Variants in TMTC1 observed in about 807,000 individuals in gnomAD.
TMTC1 encodes the protein protein O-mannosyl-transferase TMTC1.
Under a neutral mutation model 104.8 loss-of-function variants are expected in TMTC1, and 73 were observed. That is an observed-to-expected ratio of 0.70 (90% CI 0.58 to 0.85). TMTC1 has a LOEUF of 0.85. Ranked by LOEUF, TMTC1 falls within the 40% of genes least tolerant of loss-of-function variation. The pLI is 0.00. For synonymous variants in TMTC1, 434 were observed against 428.7 expected, an observed-to-expected ratio of 1.01 and a Z score of -0.15; for missense variants, 1,035 against 1,096.1, an observed-to-expected ratio of 0.94 and a Z score of 0.79.
chr12:29,703,329 A>C (rs1363783419), intron 5 of TMTC1, among the ~76,000 whole-genome samples: 1 of 152,184 alleles, frequency 6.6e-6, no homozygotes, highest in Non-Finnish European at 1.5e-5. Flanking sequence ...CTTCAAAAGG[A>C]AATAACTTTC....
chr12:29,636,837 G>A (rs550839272), intron 5 of TMTC1, among the ~76,000 whole-genome samples: 1 of 150,452 alleles, frequency 6.6e-6, no homozygotes, highest in East Asian at 2.0e-4. Context: ...TTGAGCCCCA[G>A]AGTTTGAGAT....
intron 5 of TMTC1, among the ~76,000 whole-genome samples, chr12:29,722,637 AGGCCG>A (rs1356142788): frequency 6.6e-6 from 1 of 152,140 alleles, no homozygotes; most frequent in Non-Finnish European, 1.5e-5. Context: ...TAGAAAGTTT[AGGCCG>A]GGCGCAGTGG....
At chr12:29,579,736 C>G (rs1047747136) in intron 8 of TMTC1, among the ~76,000 whole-genome samples, 2 of 152,178 alleles carry the variant, frequency 1.3e-5, no homozygotes, top group Admixed American at 6.5e-5. Flanking sequence ...CCAACCAGAG[C>G]TATGCGGTGA....
At chr12:29,772,943 C>T (rs1035118710) in intron 1 of TMTC1, among the ~76,000 whole-genome samples, 4 of 152,190 alleles carry the variant, frequency 2.6e-5, no homozygotes, top group African/African-American at 9.7e-5. Flanking sequence ...ACTGAACTTA[C>T]ATTAAGTTGC....
At chr12:29,734,305 A>T (rs1591989399) in intron 5 of TMTC1, among the ~76,000 whole-genome samples, 1 of 152,226 alleles carries the variant, frequency 6.6e-6, no homozygotes, top group Admixed American at 6.5e-5. Context: ...TGTCTCTAAT[A>T]AAGGTCACAC....
intron 5 of TMTC1, among the ~76,000 whole-genome samples, chr12:29,653,126 G>A (rs184476943): frequency 1.8e-3 from 273 of 151,566 alleles, no homozygotes; most frequent in Non-Finnish European, 2.7e-3. Flanking sequence ...TCTGGCAATG[G>A]CCAGATCCCT....
intron 17 of TMTC1, among the ~76,000 whole-genome samples, chr12:29,510,547 C>A (rs1166652179): frequency 1.3e-5 from 2 of 152,144 alleles, no homozygotes; most frequent in Non-Finnish European, 2.9e-5. Context: ...TGAAAAATAT[C>A]GTGCTTGAAT....
rs1438961188 is a variant in TMTC1 at position 29,521,334 on chromosome 12, C to T, written c.1786-614G>A. On this transcript the variant is annotated intron_variant, in intron 11 of 17. Transcript: ENST00000539277. ...CAGCCCACCAGACTGGTGGCTACTT[C>T]CCATACTCAGTCCATGCTTTCCACC... is the stretch of plus-strand genomic sequence containing the variant. Among the ~76,000 whole-genome samples, 3 of 152,136 alleles carry T rather than the reference C, an allele frequency of 2.0e-5. No individual in the cohort carries two copies. The East Asian group carries it at 5.8e-4, about 29-fold the overall frequency.
chr12:29,747,038 C>T (rs1942971999), intron 5 of TMTC1, among the ~76,000 whole-genome samples: 1 of 152,028 alleles, frequency 6.6e-6, no homozygotes, highest in African/African-American at 2.4e-5. Flanking sequence ...GAGGAAATGT[C>T]CAAGAATTTA....
chr12:29,526,946 AT>A (rs1463877942), intron 11 of TMTC1, among the ~76,000 whole-genome samples: 1 of 152,178 alleles, frequency 6.6e-6, no homozygotes, highest in Non-Finnish European at 1.5e-5. Flanking sequence ...AAGGCTAAAC[AT>A]TACTTATTTG....
At chr12:29,576,186 C>T (rs1945817435) in intron 8 of TMTC1, among the ~76,000 whole-genome samples, 1 of 152,156 alleles carries the variant, frequency 6.6e-6, no homozygotes, top group South Asian at 2.1e-4. Context: ...AATATTTCAT[C>T]CCAATCCACA....
Position 29,638,053 on chromosome 12 carries a change from G to A in TMTC1, c.939-4717C>T, listed in dbSNP as rs139261574. Among the ~76,000 whole-genome samples, 84 of 152,250 alleles carry A rather than the reference G, an allele frequency of 5.5e-4. 1 individual carries two copies. The highest frequency in any genetic ancestry group is 2.0e-3 in the African/African-American group (84 of 41,558). On this transcript the variant is annotated intron_variant, in intron 5 of 17. Coordinates refer to ENST00000539277, the MANE Select transcript of TMTC1 (RefSeq NM_001193451.2). ...GACTCTACTGATACCGCTGACATGG[G>A]AGGCGGGCAGGGAAGTGCTGGGTAG...
At chr12:29,534,388 C>T (rs1369420524) in intron 11 of TMTC1, 1 of 152,216 alleles carries the variant, frequency 6.6e-6, no homozygotes, top group East Asian at 1.9e-4. Context: ...CATCATTTTA[C>T]ATTCACATCT....
intron 5 of TMTC1, among the ~76,000 whole-genome samples, chr12:29,685,336 C>G (rs16934763): frequency 0.14 from 20,884 of 151,252 alleles, 1,718 homozygotes; most frequent in East Asian, 0.34. Context: ...GAATGGCATA[C>G]TATCCTTTGT....
chr12:29,556,770 A>C, intron 10 of TMTC1, 87 bp downstream of exon 10: 9 of 1,499,020 alleles, frequency 6.0e-6, no homozygotes, highest in African/African-American at 1.4e-5. Flanking sequence ...GAGAGAGGCA[A>C]GTGCAGCACA....
chr12:29,746,876 C>T (rs997658584), intron 5 of TMTC1, among the ~76,000 whole-genome samples: 1 of 152,156 alleles, frequency 6.6e-6, no homozygotes, highest in Non-Finnish European at 1.5e-5. Flanking sequence ...TCATGATCAT[C>T]ATCCCATAAA....
chr12:29,527,087 T>C (rs1944369334), intron 11 of TMTC1, among the ~76,000 whole-genome samples: 1 of 152,242 alleles, frequency 6.6e-6, no homozygotes, highest in African/African-American at 2.4e-5. Flanking sequence ...TGAAATTTGA[T>C]TTAAGGAAAG....
intron 7 of TMTC1, among the ~76,000 whole-genome samples, chr12:29,589,182 T>C (rs547393235): frequency 3.3e-5 from 5 of 152,334 alleles, no homozygotes; most frequent in African/African-American, 1.2e-4. Context: ...AACATGTGGA[T>C]TCAGTCATGT....
At chr12:29,746,544 C>T (rs1216311033) in intron 5 of TMTC1, among the ~76,000 whole-genome samples, 3 of 152,130 alleles carry the variant, frequency 2.0e-5, no homozygotes, top group African/African-American at 7.2e-5. Flanking sequence ...ATTTGCACAG[C>T]ATTTCTTACT....
Sources: allele counts gnomAD v4.1 joint callset (sites outside exome capture counted in the v4.1 genomes callset), GRCh38; gene constraint gnomAD v4.1.1; transcripts MANE v1.5; gene names NCBI Gene and HGNC (gene_info 2026-07-23, HGNC 2026-07-21).